The following ARFGEF3 variants were observed in gnomAD, a reference collection of about 807,000 sequenced individuals.
The protein encoded by ARFGEF3 is ARFGEF family member 3, also known as brefeldin A-inhibited guanine nucleotide-exchange protein 3.
A neutral mutation model predicts 221.7 loss-of-function variants in ARFGEF3; 96 were observed. That is an observed-to-expected ratio of 0.43 (90% CI 0.37 to 0.51). The LOEUF is 0.51. ARFGEF3 is among the 20% of genes least tolerant of loss of function. ARFGEF3 has a pLI of 0.00. For synonymous variants in ARFGEF3, 1,145 were observed against 1,126.8 expected, an observed-to-expected ratio of 1.02 and a Z score of -0.32; for missense variants, 2,410 against 2,789.9, an observed-to-expected ratio of 0.86 and a Z score of 3.07.
intron 20 of ARFGEF3, among the ~76,000 whole-genome samples, chr6:138,294,778 C>T (rs1583053978): frequency 6.6e-6 from 1 of 152,180 alleles, no homozygotes; most frequent in African/African-American, 2.4e-5. Context: ...ATCAAGAGCA[C>T]AAGTGGTTGT....
intron 11 of ARFGEF3, 108 bp downstream of exon 11, chr6:138,261,747 T>C: frequency 2.0e-6 from 1 of 491,522 alleles, no homozygotes; most frequent in South Asian, 6.8e-5. Context: ...ATATGAAATG[T>C]GTCTATTTAA....
In ARFGEF3 at chr6:138,263,285, A is replaced by G; in HGVS notation, c.1802A>G (p.Gln601Arg). The G allele has an allele frequency of 1.2e-6, 2 of 1,614,008 alleles. No homozygotes were observed. The highest frequency in any genetic ancestry group is 1.7e-6 in the Non-Finnish European group (2 of 1,179,894). The change falls in exon 12 of 34, where the codon CAA (glutamine) becomes CGA (arginine). Residue 601 changes from glutamine (Q) to arginine (R), a missense_variant. By Grantham distance (43) the Gln-to-Arg change is conservative. Around this residue, in one of 5 missense-constraint regions of ARFGEF3, gnomAD observed 594 missense variants for 734.3 expected, o/e 0.81. Coordinates refer to ENST00000251691, the MANE Select transcript of ARFGEF3 (RefSeq NM_020340.5). The stretch of plus-strand genomic sequence containing the variant: ...GAGAGCAATTTTAGCGTTGATGACC[A>G]AGACCTTTCTAGGACAGAGTTTGAT... Reference protein sequence around the residue: ...YSESNFSVDDQDLSRTEFDSC... With the variant: ...YSESNFSVDDRDLSRTEFDSC...
chr6:138,201,619 T>C (rs139197275), intron 2 of ARFGEF3, among the ~76,000 whole-genome samples: 2,017 of 152,312 alleles, frequency 0.013, 30 homozygotes, highest in Middle Eastern at 0.058. Flanking sequence ...AGCTAAGCTA[T>C]GAAGACGCAA....
chr6:138,290,005 C>G (rs773619340), intron 18 of ARFGEF3, 37 bp downstream of exon 18: 2 of 1,579,032 alleles, frequency 1.3e-6, no homozygotes, highest in South Asian at 1.2e-5. Flanking sequence ...TGGCACTAAC[C>G]CTGCCTTGGG....
chr6:138,204,859 C>G (rs1024144840), intron 2 of ARFGEF3, among the ~76,000 whole-genome samples: 2 of 152,196 alleles, frequency 1.3e-5, no homozygotes, highest in African/African-American at 4.8e-5. Context: ...TCTTTCAACT[C>G]AGCCAAAACC....
At chr6:138,221,350 T>C (rs1307754356) in intron 4 of ARFGEF3, among the ~76,000 whole-genome samples, 1 of 152,176 alleles carries the variant, frequency 6.6e-6, no homozygotes, top group East Asian at 1.9e-4. Flanking sequence ...CAGGGGTAAT[T>C]AAGAATTTTA....
intron 4 of ARFGEF3, among the ~76,000 whole-genome samples, chr6:138,211,015 T>G (rs1181298804): frequency 6.6e-6 from 1 of 152,218 alleles, no homozygotes; most frequent in Non-Finnish European, 1.5e-5. Flanking sequence ...CTGTCTGGGT[T>G]TCAATTCTTA....
At chr6:138,211,307 T>A (rs1777723465) in intron 4 of ARFGEF3, among the ~76,000 whole-genome samples, 1 of 152,334 alleles carries the variant, frequency 6.6e-6, no homozygotes, top group South Asian at 2.1e-4. Flanking sequence ...GCATCCCAAC[T>A]GATTCTTAAA....
rs143876453 is a variant in ARFGEF3 at position 138,307,481 on chromosome 6, A to G, written c.3973+84A>G. On this transcript the variant is annotated intron_variant, in intron 23 of 33. Transcript: ENST00000251691. ...GCTATTAAAAAAAAAAAATTGAACA[A>G]TAGGGAAGACAGATTGTCAGCCATG... 2,658 of 1,236,580 alleles carry G rather than the reference A, an allele frequency of 2.1e-3. 12 individuals carry two copies. Among genetic ancestry groups the G allele is most frequent in the Admixed American group, 4.4e-3 (239 of 53,846 alleles). The allele number at this position is 1,236,580 out of a possible 1,614,324, so 76.6% of individuals were successfully genotyped here.
chr6:138,317,431 T>C, intron 27 of ARFGEF3, 52 bp downstream of exon 27: 2 of 1,606,904 alleles, frequency 1.2e-6, no homozygotes, highest in Non-Finnish European at 8.5e-7. Context: ...ATGTAACTCT[T>C]TTCAAGAGGG....
At chr6:138,316,487 C>T (rs1779928127) in intron 26 of ARFGEF3, among the ~76,000 whole-genome samples, 1 of 152,004 alleles carries the variant, frequency 6.6e-6, no homozygotes, top group African/African-American at 2.4e-5. Flanking sequence ...AATAATATAA[C>T]AGACTTATCA....
chr6:138,176,010 TTTA>T (rs1776938509), intron 2 of ARFGEF3, among the ~76,000 whole-genome samples: 1 of 152,122 alleles, frequency 6.6e-6, no homozygotes, highest in Non-Finnish European at 1.5e-5. Flanking sequence ...CTTCTTTGTC[TTTA>T]TTGTTTTTGA....
At chr6:138,261,961 A>C (rs542087250) in intron 11 of ARFGEF3, among the ~76,000 whole-genome samples, 1 of 152,292 alleles carries the variant, frequency 6.6e-6, no homozygotes, top group Admixed American at 6.5e-5. Context: ...AAAACTGAAT[A>C]TTATAGGGCT....
intron 4 of ARFGEF3, among the ~76,000 whole-genome samples, chr6:138,225,335 A>T (rs1391204757): frequency 6.6e-6 from 1 of 152,178 alleles, no homozygotes; most frequent in East Asian, 1.9e-4. Context: ...CTGCTTTCAC[A>T]CTTCCATGCC....
chr6:138,244,960 A>G (rs1379003582), intron 7 of ARFGEF3, among the ~76,000 whole-genome samples: 1 of 152,214 alleles, frequency 6.6e-6, no homozygotes, highest in East Asian at 1.9e-4. Flanking sequence ...TTAATAAGAA[A>G]CAATCTATTT....
rs1354854647 is a variant in ARFGEF3, at chr6:138,177,098, TA to T, written c.137+6386del. ...ATTTATTTATTTATTTATTTATTTA[TA>T]TTTTTTTTGAGACACGGTCATGCTC... On this transcript the variant is annotated intron_variant, in intron 2 of 33. Coordinates refer to ENST00000251691, the MANE Select transcript of ARFGEF3 (RefSeq NM_020340.5). 8.9e-5 allele frequency among the ~76,000 whole-genome samples: 11 copies of T among 123,624 alleles called. No individual in the cohort carries two copies. The South Asian group carries it at 2.1e-3, about 24-fold the overall frequency. The allele number at this position is 123,624 out of a possible 152,430, so 81.1% of individuals were successfully genotyped here.
At chr6:138,189,208 A>G (rs1388082818) in intron 2 of ARFGEF3, among the ~76,000 whole-genome samples, 1 of 152,200 alleles carries the variant, frequency 6.6e-6, no homozygotes, top group Non-Finnish European at 1.5e-5. Context: ...ATGATTTAGA[A>G]AGTAAGAGAA....
chr6:138,217,097 C>T (rs890365028), intron 4 of ARFGEF3: 1 of 152,162 alleles, frequency 6.6e-6, no homozygotes, highest in African/African-American at 2.4e-5. Flanking sequence ...TGTGATTTTC[C>T]TTTAAATAGT....
Position 138,337,412 on chromosome 6 carries a change from G to C in ARFGEF3, c.*926G>C, listed in dbSNP as rs1472111661. 6.6e-6 allele frequency: 1 copy of C among 152,606 alleles called. No individual in the cohort carries two copies. The highest frequency in any genetic ancestry group is 2.4e-5 in the African/African-American group (1 of 41,446). 9.5% of individuals were successfully genotyped at this position (152,606 alleles called of 1,614,324 possible). ...GTCTGAACATAAGGTATAGCATTTG[G>C]TTTTTAAGAAAACAAAACATTAAGA... is the stretch of plus-strand genomic sequence containing the variant. On this transcript the variant is annotated 3_prime_UTR_variant, in exon 34 of 34. Transcript: ENST00000251691.
Sources: gnomAD v4.1 joint callset for allele counts (sites outside exome capture counted in the v4.1 genomes callset) on GRCh38, gnomAD v4.1.1 for gene constraint, gnomAD v4.1.1 regional missense constraint, MANE v1.5 for transcripts, NCBI Gene and HGNC (gene_info 2026-07-23, HGNC 2026-07-21) for gene names.